The following ZCCHC14 variants were observed in gnomAD, a reference collection of about 807,000 sequenced individuals.
ZCCHC14 encodes the protein zinc finger CCHC domain-containing protein 14.
ZCCHC14 carries 16 observed loss-of-function variants against 85.0 expected under a neutral mutation model. The observed-to-expected ratio is 0.19, with a 90% confidence interval of 0.13 to 0.29. The LOEUF is 0.29. Among genes scored for constraint, ZCCHC14 ranks in the 10% least tolerant of loss-of-function variants. The pLI, the probability that ZCCHC14 is intolerant of heterozygous loss-of-function variation, is 1.00. For missense variants in ZCCHC14, 1,303 were observed against 1,443.5 expected, an observed-to-expected ratio of 0.90 and a Z score of 1.58; for synonymous variants, 775 against 630.7, an observed-to-expected ratio of 1.23 and a Z score of -3.43.
At chr16:87,465,835 A>T (rs1911494637) in intron 1 of ZCCHC14, among the ~76,000 whole-genome samples, 1 of 150,826 alleles carries the variant, frequency 6.6e-6, no homozygotes. Flanking sequence ...TTTTTTTATT[A>T]AAAAAAAATA....
chr16:87,414,487 G>C lies in ZCCHC14; in HGVS notation c.1530C>G (p.Ser510Arg), dbSNP rs1908677318. The C allele has an allele frequency of 6.2e-7, 1 of 1,613,416 alleles. No homozygotes were observed. Among genetic ancestry groups the C allele is most frequent in the Non-Finnish European group, 8.5e-7 (1 of 1,179,848 alleles). ...TGGGGGGCACTCGAGCCACACCACT[G>C]CTGGTGACCAGCGGCGGGGCCGAGG... ...LNPSAPPLVT[S>R]SGVARVPPTS... Residue 510 changes from serine to arginine, a missense_variant, in exon 10 of 13, where the codon AGC becomes AGG. Around this residue, in one of 7 missense-constraint regions of ZCCHC14, gnomAD observed 58 missense variants for 88.2 expected, o/e 0.66. Transcript: ENST00000671377.
intron 1 of ZCCHC14, among the ~76,000 whole-genome samples, chr16:87,484,419 C>A (rs1912422267): frequency 6.6e-6 from 1 of 152,180 alleles, no homozygotes; most frequent in African/African-American, 2.4e-5. Flanking sequence ...AGGTTCGAGG[C>A]AAAAGGCAGG....
intron 2 of ZCCHC14, among the ~76,000 whole-genome samples, chr16:87,438,381 A>T (rs9925097): frequency 7.2e-5 from 11 of 152,258 alleles, no homozygotes; most frequent in African/African-American, 2.7e-4. Context: ...TTTCAATAAA[A>T]CTATGACCAA....
chr16:87,448,539 G>C (rs1247845774), intron 2 of ZCCHC14, among the ~76,000 whole-genome samples: 1 of 152,122 alleles, frequency 6.6e-6, no homozygotes, highest in East Asian at 1.9e-4. Context: ...CTGCATTTCA[G>C]AGGCTGAGCT....
Position 87,411,978 on chromosome 16 carries a change from G to C in ZCCHC14, c.2743C>G (p.Pro915Ala), listed in dbSNP as rs768868195. 7.5e-6 allele frequency: 12 copies of C among 1,606,612 alleles called. No individual in the cohort carries two copies. Among genetic ancestry groups the C allele is most frequent in the Admixed American group, 6.7e-5 (4 of 59,614 alleles). ...HHQQPPAPPQ[P>A]APPPPGCIVC... The stretch of plus-strand genomic sequence containing the variant: ...ATGCAGCCTGGCGGGGGTGGGGCGG[G>C]CTGCGGGGGTGCCGGGGGCTGCTGA... Residue 915 changes from proline to alanine, a missense_variant, in exon 12 of 13, where the codon CCC (proline) becomes GCC (alanine). Physicochemically the swap from Pro to Ala is conservative, Grantham distance 27. Coordinates refer to ENST00000671377, the MANE Select transcript of ZCCHC14 (RefSeq NM_015144.3).
chr16:87,457,279 G>T (rs919122214), intron 2 of ZCCHC14, among the ~76,000 whole-genome samples: 1 of 152,216 alleles, frequency 6.6e-6, no homozygotes, highest in African/African-American at 2.4e-5. Flanking sequence ...CCACACAACG[G>T]TGTGTTTTCC....
At chr16:87,441,674 C>T (rs1302565686) in intron 2 of ZCCHC14, among the ~76,000 whole-genome samples, 1 of 152,194 alleles carries the variant, frequency 6.6e-6, no homozygotes, top group Non-Finnish European at 1.5e-5. Flanking sequence ...AAGGTACAAT[C>T]GACAACTCTG....
At chr16:87,460,885 C>G (rs1911225396) in intron 1 of ZCCHC14, among the ~76,000 whole-genome samples, 1 of 152,194 alleles carries the variant, frequency 6.6e-6, no homozygotes. Flanking sequence ...GAACAGAATA[C>G]AACTCGGTCT....
At chr16:87,467,269 G>C (rs192921939) in intron 1 of ZCCHC14, 12 of 1,577,240 alleles carry the variant, frequency 7.6e-6, no homozygotes, top group Non-Finnish European at 1.0e-5. Flanking sequence ...CCAAAATTAA[G>C]GATAATGGAG....
At position 87,412,360 on chromosome 16, in the gene ZCCHC14, G is replaced by C; in HGVS notation, c.2361C>G (p.Ala787=). The C allele has an allele frequency of 6.2e-7, 1 of 1,614,158 alleles. No homozygotes were observed. Among genetic ancestry groups the C allele is most frequent in the Non-Finnish European group, 8.5e-7 (1 of 1,180,040 alleles). The change falls in exon 12 of 13, where the codon GCC becomes GCG. Residue 787 remains alanine, a synonymous_variant. Transcript: ENST00000671377. ...LLSSSVPADS[A]ISGQTSCPNN... Reference sequence around the variant, plus strand: ...TAGGACAGGAAGTTTGCCCAGAAATGGCAGAATCAGCAGGAACAGATGACG... The same window carrying C: ...TAGGACAGGAAGTTTGCCCAGAAATCGCAGAATCAGCAGGAACAGATGACG...
At chr16:87,473,906 G>A (rs1335231560) in intron 1 of ZCCHC14, 1 of 152,096 alleles carries the variant, frequency 6.6e-6, no homozygotes, top group African/African-American at 2.4e-5. Flanking sequence ...TGTTTCTGCA[G>A]GCACCACAAA....
chr16:87,426,997 G>A (rs963657047), intron 3 of ZCCHC14, among the ~76,000 whole-genome samples: 1 of 152,240 alleles, frequency 6.6e-6, no homozygotes, highest in Admixed American at 6.5e-5. Flanking sequence ...GCAAAAACCC[G>A]ACGGGACGCG....
chr16:87,490,122 G>C (rs1912685784), intron 1 of ZCCHC14, among the ~76,000 whole-genome samples: 1 of 152,104 alleles, frequency 6.6e-6, no homozygotes. Context: ...TATAGTCTTG[G>C]AGGTAAATGT....
intron 1 of ZCCHC14, among the ~76,000 whole-genome samples, chr16:87,487,562 C>G (rs8059323): frequency 0.038 from 5,812 of 152,360 alleles, 404 homozygotes; most frequent in African/African-American, 0.13. Context: ...CACACGGCAC[C>G]TAGCAATCCA....
At chr16:87,477,929 C>T (rs1372657117) in intron 1 of ZCCHC14, among the ~76,000 whole-genome samples, 5 of 151,830 alleles carry the variant, frequency 3.3e-5, no homozygotes, top group African/African-American at 1.2e-4. Flanking sequence ...TCACCGCACA[C>T]ACCTGGGGAA....
At chr16:87,413,464 C>T (rs1908595025) in intron 10 of ZCCHC14, among the ~76,000 whole-genome samples, 1 of 152,164 alleles carries the variant, frequency 6.6e-6, no homozygotes, top group Admixed American at 6.5e-5. Context: ...GCACCCCCAG[C>T]GCACCCCCAG....
rs976831571 is a variant in ZCCHC14 at position 87,467,549 on chromosome 16, T to C, written c.571-7418A>G. 3.7e-5 allele frequency: 58 copies of C among 1,587,248 alleles called. No homozygotes were observed. In the African/African-American group the frequency reaches 7.4e-4, roughly 20 times the overall value. ...AGTAGGATCAGAAGCCTATTTTTAA[T>C]GTCATCCCACCAATTCCCGTTGGTT... On this transcript the variant is annotated intron_variant, in intron 1 of 12. Coordinates refer to ENST00000671377, the MANE Select transcript of ZCCHC14 (RefSeq NM_015144.3).
In ZCCHC14 at chr16:87,491,304, G is replaced by T. The variant is rs1338234105; in HGVS notation, c.570+365C>A. On this transcript the variant is annotated intron_variant, in intron 1 of 12. Coordinates refer to ENST00000671377, the MANE Select transcript of ZCCHC14 (RefSeq NM_015144.3). The surrounding 1 kb of genome is among the most constrained non-coding windows in gnomAD (Gnocchi z 5.9). The stretch of plus-strand genomic sequence containing the variant: ...GGCTTTGGGGCACGCAGAGGGGACT[G>T]AGGGTGTGGGCTCAGGGCCGCGGTG... Among the ~76,000 whole-genome samples the T allele has an allele frequency of 6.6e-6, 1 of 152,240 alleles. No individual in the cohort carries two copies. Among genetic ancestry groups the T allele is most frequent in the African/African-American group, 2.4e-5 (1 of 41,466 alleles).
intron 2 of ZCCHC14, among the ~76,000 whole-genome samples, chr16:87,435,897 T>C (rs1909898367): frequency 6.6e-6 from 1 of 152,280 alleles, no homozygotes. Flanking sequence ...TACACGCTGT[T>C]CCTGCCTGAC....
Sources: gnomAD v4.1 joint callset for allele counts (sites outside exome capture counted in the v4.1 genomes callset) on GRCh38, gnomAD v4.1.1 for gene constraint, gnomAD v4.1.1 regional missense constraint, Gnocchi (gnomAD v3.1) non-coding constraint, MANE v1.5 for transcripts, NCBI Gene and HGNC (gene_info 2026-07-23, HGNC 2026-07-21) for gene names.